WDR45: variants seen among roughly 807,000 people sequenced by gnomAD.
WDR45 encodes WD repeat domain 45.
A neutral mutation model predicts 27.3 loss-of-function variants in WDR45; 2 were observed. The ratio of observed to expected loss-of-function variants is 0.07; its 90% CI spans 0.03 to 0.23. The LOEUF (loss-of-function observed/expected upper bound fraction) is 0.23. Ranked by LOEUF, WDR45 falls within the 10% of genes least tolerant of loss-of-function variation. The pLI is 1.00. For missense variants in WDR45, 175 were observed against 311.9 expected, an observed-to-expected ratio of 0.56 and a Z score of 3.31; for synonymous variants, 99 against 119.2, an observed-to-expected ratio of 0.83 and a Z score of 1.11.
At chrX:49,087,058 T>G (rs1044368171) in intron 2 of WDR45, among the ~76,000 whole-genome samples, 11 of 109,932 alleles carry the variant, frequency 1.0e-4, no homozygotes, top group African/African-American at 2.0e-4. Flanking sequence ...TTTGTTTTTT[T>G]TTTTTAAAGA....
chrX:49,098,055 G>A (rs2065132298), intron 2 of WDR45, among the ~76,000 whole-genome samples: 1 of 111,738 alleles, frequency 8.9e-6, no homozygotes, highest in Non-Finnish European at 1.9e-5. Flanking sequence ...AGGCTTAAGT[G>A]ATCCTCCCAC....
chrX:49,082,319 C>T (rs1410451010), upstream of WDR45, among the ~76,000 whole-genome samples: 7 of 111,429 alleles, frequency 6.3e-5, no homozygotes, highest in Admixed American at 5.8e-4. Context: ...TTTAACTCAT[C>T]CTTTTTAACT....
chrX:49,099,742 C>T (rs1456636797), intron 2 of WDR45, among the ~76,000 whole-genome samples: 4 of 107,241 alleles, frequency 3.7e-5, no homozygotes, highest in Non-Finnish European at 5.7e-5. Flanking sequence ...GATCGCGCCA[C>T]TGCACTCTAG....
chrX:49,077,978 C>T, intron 2 of WDR45, 63 bp downstream of exon 2: 1 of 1,207,670 alleles, frequency 8.3e-7, no homozygotes, highest in Non-Finnish European at 1.1e-6. Flanking sequence ...GGCCCATGGC[C>T]CACTTCTGAC....
At position 49,076,789 on chromosome X, in the gene WDR45, A is replaced by C. The variant is rs188389490; in HGVS notation, c.236-39T>G. 6 of 1,100,762 alleles carry C rather than the reference A, an allele frequency of 5.5e-6. No homozygotes were observed. The East Asian group carries it at 1.9e-4, about 35-fold the overall frequency. The allele number at this position is 1,100,762 out of a possible 1,213,427, so 90.7% of individuals were successfully genotyped here. The stretch of plus-strand genomic sequence containing the variant: ...GGGTGGGTTGTCGGGGCCAAGGTTT[A>C]GGGTAAGGGGCAGCCCTGGTGACAC... On this transcript the variant is annotated intron_variant, in intron 4 of 10. Coordinates refer to ENST00000376372, the MANE Select transcript of WDR45 (RefSeq NM_001029896.2).
At chrX:49,097,585 C>T (rs782379524) in intron 2 of WDR45, among the ~76,000 whole-genome samples, 1 of 109,684 alleles carries the variant, frequency 9.1e-6, no homozygotes, top group South Asian at 3.9e-4. Flanking sequence ...GCCTCGGCCT[C>T]CCAAAGTGCT....
intron 2 of WDR45, among the ~76,000 whole-genome samples, chrX:49,094,790 C>CA (rs1228971939): frequency 2.7e-5 from 3 of 110,198 alleles, no homozygotes; most frequent in Admixed American, 9.7e-5. Flanking sequence ...GGATCTAACG[C>CA]ATTTGAAATA....
At chrX:49,083,120 C>T (rs1350192295), upstream of WDR45, among the ~76,000 whole-genome samples, 4 of 110,564 alleles carry the variant, frequency 3.6e-5, no homozygotes, top group African/African-American at 1.3e-4. Flanking sequence ...CCTCGTGATC[C>T]GCCCGCCTTG....
At chrX:49,079,939 C>G (rs1172431498), upstream of WDR45, 4 of 113,029 alleles carry the variant, frequency 3.5e-5, no homozygotes, top group African/African-American at 1.3e-4. Flanking sequence ...AATGACTCAC[C>G]CCAGCTGGAA....
At chrX:49,076,955 G>A (rs1429537602) in intron 4 of WDR45, 7 of 416,478 alleles carry the variant, frequency 1.7e-5, no homozygotes, top group Admixed American at 4.3e-5. Context: ...CTCATCTACA[G>A]ATGAGGAAAC....
intron 2 of WDR45, among the ~76,000 whole-genome samples, chrX:49,089,786 C>CAA (rs782204856): frequency 0.022 from 1,634 of 72,731 alleles, 34 homozygotes; most frequent in African/African-American, 0.045. Context: ...AACCTTATCT[C>CAA]AAAAAAAAAA....
chrX:49,077,542 C>G (rs1363359670), intron 4 of WDR45, 101 bp downstream of exon 4: 8 of 721,556 alleles, frequency 1.1e-5, no homozygotes, highest in Non-Finnish European at 1.7e-5. Context: ...CTGTGTGACT[C>G]TGAAGTACTC....
In WDR45 at chrX:49,076,627, G is replaced by C. The variant is rs372370133; in HGVS notation, c.341+18C>G. 2 of 1,206,405 alleles carry C rather than the reference G, an allele frequency of 1.7e-6. No homozygotes were observed. Among genetic ancestry groups the C allele is most frequent in the Non-Finnish European group, 2.2e-6 (2 of 891,332 alleles). On this transcript the variant is annotated intron_variant, in intron 5 of 10. Coordinates refer to ENST00000376372, the MANE Select transcript of WDR45 (RefSeq NM_001029896.2). ...GTGGGGACCTCCTACCTCCCACCCC[G>C]GTCCTCCTCAGGCTCACTTGTCATG... is the stretch of plus-strand genomic sequence containing the variant.
upstream of WDR45, among the ~76,000 whole-genome samples, chrX:49,081,296 C>T (rs2065065966): frequency 9.4e-6 from 1 of 106,583 alleles, no homozygotes; most frequent in Admixed American, 1.0e-4. Flanking sequence ...TTTGGGAGGC[C>T]GAAGCAGGCA....
intron 6 of WDR45, 82 bp downstream of exon 6, chrX:49,076,348 C>T: frequency 5.9e-6 from 6 of 1,009,592 alleles, no homozygotes; most frequent in Non-Finnish European, 8.4e-6. Flanking sequence ...TGTGAGTGCC[C>T]CTTCCTTTCT....
At chrX:49,098,995 G>A (rs1200024605) in intron 2 of WDR45, among the ~76,000 whole-genome samples, 10 of 111,589 alleles carry the variant, frequency 9.0e-5, no homozygotes, top group Admixed American at 8.7e-4. Context: ...CAAAAGTGAA[G>A]TATACATGTT....
intron 2 of WDR45, among the ~76,000 whole-genome samples, chrX:49,096,378 G>A (rs1431675911): frequency 9.0e-6 from 1 of 110,700 alleles, no homozygotes; most frequent in Non-Finnish European, 1.9e-5. Context: ...CTACAGGCAC[G>A]CACCACCACA....
intron 2 of WDR45, among the ~76,000 whole-genome samples, chrX:49,096,708 T>C (rs1456922051): frequency 1.8e-5 from 2 of 112,516 alleles, no homozygotes; most frequent in African/African-American, 6.4e-5. Flanking sequence ...CCTCACAAAG[T>C]GCTGGGATTA....
At chrX:49,098,557 C>T (rs1557087688) in intron 2 of WDR45, among the ~76,000 whole-genome samples, 1 of 109,380 alleles carries the variant, frequency 9.1e-6, no homozygotes, top group Non-Finnish European at 1.9e-5. Flanking sequence ...GCCTGTAATT[C>T]CAGCACTTTG....
Sources: gnomAD v4.1 joint callset for allele counts (sites outside exome capture counted in the v4.1 genomes callset) on GRCh38, gnomAD v4.1.1 for gene constraint, MANE v1.5 for transcripts, NCBI Gene and HGNC (gene_info 2026-07-23, HGNC 2026-07-21) for gene names.